The following MBNL2 variants were observed in gnomAD, a reference collection of about 807,000 sequenced individuals.
MBNL2 encodes the protein muscleblind like splicing regulator 2, also known as muscleblind-like protein 2.
A neutral mutation model predicts 41.9 loss-of-function variants in MBNL2; 17 were observed. The ratio of observed to expected loss-of-function variants is 0.41; its 90% CI spans 0.28 to 0.61. MBNL2 has a LOEUF of 0.61. Among genes scored for constraint, MBNL2 ranks in the 20% least tolerant of loss-of-function variants. MBNL2 has a pLI of 0.35. For missense variants in MBNL2, 336 were observed against 505.6 expected (o/e 0.66, Z 3.22); for synonymous variants, 195 against 182.9 (o/e 1.07, Z -0.53).
chr13:97,197,705 T>C, the MBNL2 span, among the ~76,000 whole-genome samples: 1 of 152,228 alleles, frequency 6.6e-6, no homozygotes, highest in Non-Finnish European at 1.5e-5. Context: ...TTCTAATTCC[T>C]CTAATTTTTA....
At chr13:97,143,718 T>G in the MBNL2 span, among the ~76,000 whole-genome samples, 1 of 152,260 alleles carries the variant, frequency 6.6e-6, no homozygotes, top group African/African-American at 2.4e-5. Context: ...GAGTAAACTC[T>G]CTTTTATTTT....
At chr13:97,236,513 CTTT>C (rs202101299) in intron 1 of MBNL2, among the ~76,000 whole-genome samples, 2 of 138,000 alleles carry the variant, frequency 1.4e-5, no homozygotes, top group African/African-American at 2.7e-5. Context: ...GATATGTGGT[CTTT>C]TTTTTTTTTT....
chr13:97,191,203 GT>G, the MBNL2 span, among the ~76,000 whole-genome samples: 1 of 151,782 alleles, frequency 6.6e-6, no homozygotes, highest in East Asian at 1.9e-4. Context: ...GTGGGAGGGG[GT>G]CCCCGGAAAA....
At chr13:97,309,664 A>G (rs2058414643) in intron 2 of MBNL2, among the ~76,000 whole-genome samples, 1 of 152,218 alleles carries the variant, frequency 6.6e-6, no homozygotes, top group African/African-American at 2.4e-5. Context: ...TGGCAGCCCA[A>G]GCAAACCAAC....
At chr13:97,368,542 G>A (rs971763603) in intron 8 of MBNL2, among the ~76,000 whole-genome samples, 3 of 152,154 alleles carry the variant, frequency 2.0e-5, no homozygotes, top group African/African-American at 7.2e-5. Flanking sequence ...AGGAAAAGAA[G>A]CCAAGATAAA....
At chr13:97,358,041 T>C (rs999975024) in intron 7 of MBNL2, among the ~76,000 whole-genome samples, 1 of 152,244 alleles carries the variant, frequency 6.6e-6, no homozygotes, top group African/African-American at 2.4e-5. Context: ...TTCAGAGCAC[T>C]AAAACAATGA....
At chr13:97,367,422 G>A (rs1054416485) in intron 8 of MBNL2, among the ~76,000 whole-genome samples, 9 of 152,150 alleles carry the variant, frequency 5.9e-5, no homozygotes, top group African/African-American at 2.2e-4. Context: ...AACAATTTTG[G>A]TTTGGTTTTT....
At position 97,356,824 on chromosome 13, in the gene MBNL2, G is replaced by C; in HGVS notation, c.833G>C (p.Arg278Pro). The C allele has an allele frequency of 7.3e-7, 1 of 1,362,286 alleles. No individual in the cohort carries two copies. The highest frequency in any genetic ancestry group is 9.8e-7 in the Non-Finnish European group (1 of 1,017,800). 84.4% of individuals were successfully genotyped at this position (1,362,286 alleles called of 1,614,324 possible). A position where few individuals can be genotyped will look rare whatever the true frequency, so the allele number is the denominator to read the frequency against. Residue 278 changes from arginine to proline, a missense_variant, in exon 6 of 9, where the codon CGA becomes CCA. Transcript: ENST00000679496. ...CAGTCGACTGCCAAAGCAATGAAGC[G>C]ACCTCTCGAAGCAACTGTAGACCTG... The part of the protein sequence containing the change: ...MTQSTAKAMK[R>P]PLEATVDLAF...
chr13:97,287,918 G>GTTTTGTTTTGT (rs2054901165), intron 2 of MBNL2, among the ~76,000 whole-genome samples: 7 of 124,628 alleles, frequency 5.6e-5, no homozygotes, highest in African/African-American at 2.4e-4. Context: ...CTAATTTTCT[G>GTTTTGTTTTGT]TTTTTTTTTT....
intron 8 of MBNL2, among the ~76,000 whole-genome samples, chr13:97,371,505 T>C (rs1056936322): frequency 2.0e-5 from 3 of 152,128 alleles, no homozygotes; most frequent in Non-Finnish European, 4.4e-5. Context: ...CATCCGTTTG[T>C]GGGAGCGGCT....
At chr13:97,231,124 A>G (rs1258891838) in intron 1 of MBNL2, among the ~76,000 whole-genome samples, 1 of 152,202 alleles carries the variant, frequency 6.6e-6, no homozygotes, top group Non-Finnish European at 1.5e-5. Context: ...TGATTCTAGC[A>G]GTTCTCAATT....
intron 2 of MBNL2, among the ~76,000 whole-genome samples, chr13:97,286,475 T>C (rs1339562770): frequency 6.6e-6 from 1 of 152,252 alleles, no homozygotes; most frequent in Non-Finnish European, 1.5e-5. Flanking sequence ...TGGACTATTA[T>C]AGTAGCCTAC....
intron 3 of MBNL2, among the ~76,000 whole-genome samples, chr13:97,340,954 T>G (rs987600806): frequency 1.3e-5 from 2 of 152,184 alleles, no homozygotes; most frequent in Non-Finnish European, 2.9e-5. Flanking sequence ...CAACCCGTAT[T>G]TATGGTACCA....
chr13:97,357,667 C>T (rs976709897), intron 7 of MBNL2, 32 bp downstream of exon 7: 2 of 1,608,022 alleles, frequency 1.2e-6, no homozygotes, highest in Non-Finnish European at 1.7e-6. Flanking sequence ...CGTCCTGTGC[C>T]CTTCTGGTCA....
At chr13:97,170,460 C>T in the MBNL2 span, among the ~76,000 whole-genome samples, 4 of 152,138 alleles carry the variant, frequency 2.6e-5, no homozygotes, top group African/African-American at 9.7e-5. Context: ...CCAGCCACAC[C>T]ACGCAGGGAT....
At chr13:97,225,561 C>G (rs928364723) in intron 1 of MBNL2, among the ~76,000 whole-genome samples, 5 of 151,862 alleles carry the variant, frequency 3.3e-5, no homozygotes, top group Non-Finnish European at 7.4e-5. Flanking sequence ...TTGTGCCAAG[C>G]AGAGAAACCT....
intron 8 of MBNL2, among the ~76,000 whole-genome samples, chr13:97,383,257 C>G (rs920251230): frequency 3.3e-5 from 5 of 152,146 alleles, no homozygotes; most frequent in African/African-American, 9.6e-5. Flanking sequence ...CAAAGCCTAA[C>G]TGCAATACTC....
At chr13:97,301,711 C>G (rs540520724) in intron 2 of MBNL2, among the ~76,000 whole-genome samples, 5 of 152,292 alleles carry the variant, frequency 3.3e-5, no homozygotes, top group African/African-American at 1.2e-4. Context: ...ACAAGTCAGT[C>G]CAGCTCCACT....
At chr13:97,185,151 AAAG>A in the MBNL2 span, among the ~76,000 whole-genome samples, 1 of 152,348 alleles carries the variant, frequency 6.6e-6, no homozygotes, top group East Asian at 1.9e-4. Flanking sequence ...TATCCAAAAC[AAAG>A]AATAAAATTT....
Sources: gnomAD v4.1 joint callset for allele counts (sites outside exome capture counted in the v4.1 genomes callset) on GRCh38, gnomAD v4.1.1 for gene constraint, MANE v1.5 for transcripts, NCBI Gene and HGNC (gene_info 2026-07-23, HGNC 2026-07-21) for gene names.